SMARCAD1: variants seen among roughly 807,000 people sequenced by gnomAD.
SMARCAD1 encodes the protein SNF2 related chromatin remodeling ATPase with DExD box 1.
In SMARCAD1, 25 loss-of-function variants were observed where a neutral mutation model predicts 127.1. The observed-to-expected ratio is 0.20, with a 90% CI of 0.14 to 0.27. The LOEUF (loss-of-function observed/expected upper bound fraction) is 0.27. SMARCAD1 is among the 10% of genes least tolerant of loss of function. The pLI is 1.00. For synonymous variants in SMARCAD1, 400 were observed against 396.9 expected (o/e 1.01, Z -0.09); for missense variants, 807 against 1,206.0 (o/e 0.67, Z 4.90).
chr4:94,224,187 C>G (rs1417231598), intron 2 of SMARCAD1, among the ~76,000 whole-genome samples: 28 of 152,220 alleles, frequency 1.8e-4, no homozygotes, highest in Non-Finnish European at 1.0e-4. Flanking sequence ...GCTCAACTTG[C>G]ATGCAATGTT....
Position 94,259,153 on chromosome 4 carries a change from G to C in SMARCAD1, c.1282-5554G>C, listed in dbSNP as rs950645975. On this transcript the variant is annotated intron_variant, in intron 9 of 23. Transcript: ENST00000354268. ...AGTGGTATGTTACAACTTTTGGAAA[G>C]TGTTGTTTCTTCCTGCCGGTAGAAG... is the stretch of plus-strand genomic sequence containing the variant. Among the ~76,000 whole-genome samples the C allele has an allele frequency of 3.9e-5, 6 of 152,188 alleles. No homozygotes were observed. In the South Asian group the frequency reaches 1.0e-3, roughly 26 times the overall value.
intron 6 of SMARCAD1, chr4:94,248,338 T>C (rs755606670): frequency 8.0e-6 from 3 of 376,716 alleles, no homozygotes; most frequent in East Asian, 7.3e-5. Context: ...ACATTTGATA[T>C]ATTAACAAAT....
At chr4:94,270,870 A>G (rs1560557616) in intron 11 of SMARCAD1, 52 bp downstream of exon 11, 2 of 1,529,628 alleles carry the variant, frequency 1.3e-6, no homozygotes, top group Non-Finnish European at 1.8e-6. Context: ...ATTAAAAGGT[A>G]TTCTTGCTGT....
intron 9 of SMARCAD1, among the ~76,000 whole-genome samples, chr4:94,257,802 T>C (rs1750340086): frequency 6.6e-6 from 1 of 152,166 alleles, no homozygotes; most frequent in African/African-American, 2.4e-5. Flanking sequence ...TGTAATATAG[T>C]TATAATGCAC....
At chr4:94,246,483 T>C (rs1237963286) in intron 6 of SMARCAD1, among the ~76,000 whole-genome samples, 1 of 152,180 alleles carries the variant, frequency 6.6e-6, no homozygotes, top group Non-Finnish European at 1.5e-5. Context: ...TAATGAAGTA[T>C]ATCTTGCCTC....
chr4:94,210,587 G>A (rs1742050567), intron 2 of SMARCAD1, among the ~76,000 whole-genome samples: 1 of 152,126 alleles, frequency 6.6e-6, no homozygotes, highest in South Asian at 2.1e-4. Context: ...AAAGAGATAT[G>A]AGAGGTTTCA....
chr4:94,223,981 C>A (rs12643901), intron 2 of SMARCAD1, among the ~76,000 whole-genome samples: 1 of 151,722 alleles, frequency 6.6e-6, no homozygotes, highest in Non-Finnish European at 1.5e-5. Flanking sequence ...CAGTAAAGAT[C>A]TAAATTTTTA....
intron 2 of SMARCAD1, chr4:94,213,245 C>A: frequency 2.1e-6 from 1 of 467,816 alleles, no homozygotes; most frequent in South Asian, 2.3e-5. Context: ...CTGTAATTCA[C>A]AAATGATTGA....
chr4:94,209,569 T>C (rs1741861670), intron 2 of SMARCAD1, among the ~76,000 whole-genome samples: 1 of 152,256 alleles, frequency 6.6e-6, no homozygotes, highest in African/African-American at 2.4e-5. Context: ...ATGTTTATCC[T>C]TGGTATCTTT....
Position 94,290,210 on chromosome 4 carries a change from A to G in SMARCAD1, c.*676A>G, listed in dbSNP as rs1329589862. On this transcript the variant is annotated 3_prime_UTR_variant, in exon 24 of 24. Coordinates refer to ENST00000354268, the MANE Select transcript of SMARCAD1 (RefSeq NM_020159.5). ...ACTAAAGAAGCCCCTACCTTGCTCC[A>G]TGGATTAATTCCTTCTGTTCATTTT... 1 of 454,504 alleles carries G rather than the reference A, an allele frequency of 2.2e-6. No homozygotes were observed. The highest frequency in any genetic ancestry group is 4.4e-6 in the Non-Finnish European group (1 of 226,764). 28.2% of individuals were successfully genotyped at this position (454,504 alleles called of 1,614,324 possible). A position where few individuals can be genotyped will look rare whatever the true frequency, so the allele number is the denominator to read the frequency against.
At chr4:94,209,762 G>A (rs1741896126) in intron 2 of SMARCAD1, among the ~76,000 whole-genome samples, 1 of 152,184 alleles carries the variant, frequency 6.6e-6, no homozygotes, top group African/African-American at 2.4e-5. Flanking sequence ...ATGCTATAGG[G>A]AACAACTGAA....
At chr4:94,216,118 G>A (rs1743134891) in intron 2 of SMARCAD1, among the ~76,000 whole-genome samples, 3 of 152,136 alleles carry the variant, frequency 2.0e-5, no homozygotes, top group Admixed American at 1.3e-4. Context: ...TTAACCCCAT[G>A]TGGCTGAATG....
chr4:94,247,296 C>A (rs1057326534), intron 6 of SMARCAD1, among the ~76,000 whole-genome samples: 3 of 152,124 alleles, frequency 2.0e-5, no homozygotes, highest in Admixed American at 2.0e-4. Flanking sequence ...AATCATATCC[C>A]TTGGGCCCGC....
At chr4:94,241,779 C>T (rs1271297214) in intron 6 of SMARCAD1, among the ~76,000 whole-genome samples, 1 of 152,112 alleles carries the variant, frequency 6.6e-6, no homozygotes, top group Non-Finnish European at 1.5e-5. Context: ...TAACAATAGC[C>T]AGATTAATCT....
At chr4:94,235,231 T>A (rs74748070) in intron 4 of SMARCAD1, among the ~76,000 whole-genome samples, 1 of 8,770 alleles carries the variant, frequency 1.1e-4, no homozygotes. Context: ...CACCAATCCT[T>A]TTTTTTTTTT....
chr4:94,235,027 A>G (rs1243985313), intron 4 of SMARCAD1, among the ~76,000 whole-genome samples: 2 of 152,190 alleles, frequency 1.3e-5, no homozygotes, highest in African/African-American at 2.4e-5. Context: ...AAATAAAGCC[A>G]TAAGGCTGGA....
In SMARCAD1 at chr4:94,280,487, AT is replaced by A. The variant is rs564829942; in HGVS notation, c.2419-104del. The A allele has an allele frequency of 6.7e-5, 68 of 1,013,176 alleles. No individual in the cohort carries two copies. The East Asian group carries it at 1.8e-3, about 26-fold the overall frequency. 62.8% of individuals were successfully genotyped at this position (1,013,176 alleles called of 1,614,324 possible). A position where few individuals can be genotyped will look rare whatever the true frequency, so the allele number is the denominator to read the frequency against. ...TAAGTCTGTTACACTAAAAGGTTCT[AT>A]GATTTAGATATTTTATCAGGTATAA... On this transcript the variant is annotated intron_variant, in intron 19 of 23. Coordinates refer to ENST00000354268, the MANE Select transcript of SMARCAD1 (RefSeq NM_020159.5).
At chr4:94,254,898 ATAGAG>A (rs1378523038) in intron 9 of SMARCAD1, among the ~76,000 whole-genome samples, 1 of 152,066 alleles carries the variant, frequency 6.6e-6, no homozygotes, top group Non-Finnish European at 1.5e-5. Flanking sequence ...TGATTTATTT[ATAGAG>A]TACTTTTTTA....
chr4:94,244,068 C>T (rs938685194), intron 6 of SMARCAD1, among the ~76,000 whole-genome samples: 2 of 152,020 alleles, frequency 1.3e-5, no homozygotes, highest in South Asian at 2.1e-4. Context: ...GGACCAGGTT[C>T]GAGTGCTGGA....
Sources: allele counts gnomAD v4.1 joint callset (sites outside exome capture counted in the v4.1 genomes callset), GRCh38; gene constraint gnomAD v4.1.1; transcripts MANE v1.5; gene names NCBI Gene and HGNC (gene_info 2026-07-23, HGNC 2026-07-21).